GRIK4: variants seen among roughly 807,000 people sequenced by gnomAD.
The protein encoded by GRIK4 is glutamate ionotropic receptor kainate type subunit 4.
Under a neutral mutation model 104.9 loss-of-function variants are expected in GRIK4, and 40 were observed. The ratio of observed to expected loss-of-function variants is 0.38; its 90% CI spans 0.30 to 0.50. The LOEUF is 0.50. GRIK4 is among the 20% of genes least tolerant of loss of function. The pLI, the probability that GRIK4 is intolerant of heterozygous loss-of-function variation, is 0.93. For missense variants in GRIK4, 1,047 were observed against 1,308.1 expected (o/e 0.80, Z 3.08); for synonymous variants, 485 against 524.9 (o/e 0.92, Z 1.04).
At chr11:120,514,509 C>T (rs1295819912) in intron 1 of GRIK4, among the ~76,000 whole-genome samples, 4 of 152,184 alleles carry the variant, frequency 2.6e-5, no homozygotes, top group African/African-American at 7.2e-5. Context: ...GTTTGGTTCT[C>T]AGAAAGCCCA....
At chr11:120,817,167 C>G (rs1952983628) in intron 5 of GRIK4, among the ~76,000 whole-genome samples, 1 of 152,076 alleles carries the variant, frequency 6.6e-6, no homozygotes, top group Non-Finnish European at 1.5e-5. Context: ...ACCACACAGT[C>G]TTTGCTGTGC....
chr11:120,776,975 G>A (rs985144063), intron 3 of GRIK4, among the ~76,000 whole-genome samples: 4 of 152,150 alleles, frequency 2.6e-5, no homozygotes, highest in African/African-American at 9.7e-5. Flanking sequence ...ATTGTGTTCA[G>A]GGAGCTACGA....
intron 3 of GRIK4, among the ~76,000 whole-genome samples, chr11:120,793,005 G>T (rs1026895948): frequency 2.6e-5 from 4 of 152,176 alleles, no homozygotes; most frequent in Non-Finnish European, 5.9e-5. Context: ...CCCTAGGAGA[G>T]TAGTTTCATG....
intron 1 of GRIK4, among the ~76,000 whole-genome samples, chr11:120,518,053 C>T (rs1375369819): frequency 6.6e-6 from 1 of 152,172 alleles, no homozygotes; most frequent in African/African-American, 2.4e-5. Context: ...TCCCTGTTCT[C>T]CAGCCTGGGG....
At position 120,555,258 on chromosome 11, in the gene GRIK4, C is replaced by A. The variant is rs1472941257; in HGVS notation, c.-159+43371C>A. ...CTGGCTGTCCAAAAGCAAAACCCAG[C>A]AAGTGGCTTCCTGTTTATGCATTAG... On this transcript the variant is annotated intron_variant, in intron 1 of 20. Coordinates refer to ENST00000527524, the MANE Select transcript of GRIK4 (RefSeq NM_014619.5). This position sits in a 1 kb window ranked among gnomAD's most constrained non-coding sequence, Gnocchi z 5.3. Among the ~76,000 whole-genome samples, 2 of 152,206 alleles carry A rather than the reference C, an allele frequency of 1.3e-5. No individual in the cohort carries two copies. Among genetic ancestry groups the A allele is most frequent in the African/African-American group, 4.8e-5 (2 of 41,460 alleles).
At chr11:120,768,905 A>G (rs889263876) in intron 3 of GRIK4, among the ~76,000 whole-genome samples, 3 of 152,198 alleles carry the variant, frequency 2.0e-5, no homozygotes, top group African/African-American at 4.8e-5. Context: ...TGGTCATGAT[A>G]TATAATCTGA....
In GRIK4 at chr11:120,905,274, C is replaced by T; in HGVS notation, c.1273-16C>T. 3 of 1,580,580 alleles carry T rather than the reference C, an allele frequency of 1.9e-6. No homozygotes were observed. The highest frequency in any genetic ancestry group is 2.6e-6 in the Non-Finnish European group (3 of 1,149,866). Reference sequence around the variant, plus strand: ...AGGGCTAAGATGAGAATGACAGCTGCCCAGTTTTGCTGCAGGAGAACCCAT... The same window carrying T: ...AGGGCTAAGATGAGAATGACAGCTGTCCAGTTTTGCTGCAGGAGAACCCAT... On this transcript the variant is annotated splice_polypyrimidine_tract_variant and intron_variant, in intron 12 of 20. Coordinates refer to ENST00000527524, the MANE Select transcript of GRIK4 (RefSeq NM_014619.5). This position sits in a 1 kb window ranked among gnomAD's most constrained non-coding sequence, Gnocchi z 5.1.
intron 6 of GRIK4, among the ~76,000 whole-genome samples, chr11:120,831,122 A>T (rs1311522217): frequency 6.6e-6 from 1 of 152,050 alleles, no homozygotes; most frequent in Non-Finnish European, 1.5e-5. Context: ...TGCCTGCTGG[A>T]GTGCAGTTCA....
chr11:120,835,357 A>G (rs887227830), intron 7 of GRIK4, among the ~76,000 whole-genome samples: 2 of 152,168 alleles, frequency 1.3e-5, no homozygotes, highest in Non-Finnish European at 2.9e-5. Context: ...GCGAAATCCC[A>G]TCTCTACTAA....
chr11:120,892,258 G>A (rs1326479220), intron 11 of GRIK4, among the ~76,000 whole-genome samples: 1 of 152,188 alleles, frequency 6.6e-6, no homozygotes, highest in African/African-American at 2.4e-5. Flanking sequence ...GATGGAGAGT[G>A]GGCAAAGGAC....
intron 19 of GRIK4, among the ~76,000 whole-genome samples, chr11:120,974,643 G>A (rs1944531663): frequency 6.6e-6 from 1 of 152,204 alleles, no homozygotes; most frequent in Non-Finnish European, 1.5e-5. Context: ...TAACGATGTG[G>A]TGATGCCACC....
chr11:120,770,672 G>C lies in GRIK4; in HGVS notation c.83-32021G>C, dbSNP rs192838875. ...GGGAAGTGCCATGGTCTCAATGTTT[G>C]TGTCTGCCCCGCCCCTGCCAAACTC... is the stretch of plus-strand genomic sequence containing the variant. On this transcript the variant is annotated intron_variant, in intron 3 of 20. Transcript: ENST00000527524. Among the ~76,000 whole-genome samples, 28 of 152,304 alleles carry C rather than the reference G, an allele frequency of 1.8e-4. No homozygotes were observed. The East Asian group carries it at 5.0e-3, about 27-fold the overall frequency.
intron 3 of GRIK4, among the ~76,000 whole-genome samples, chr11:120,685,434 G>A (rs73584541): frequency 0.03 from 4,552 of 152,240 alleles, 121 homozygotes; most frequent in African/African-American, 0.07. Context: ...GGGTCCGCCC[G>A]TACCCCTCAC....
intron 3 of GRIK4, among the ~76,000 whole-genome samples, chr11:120,693,060 G>A (rs932197429): frequency 6.6e-6 from 1 of 151,674 alleles, no homozygotes; most frequent in Non-Finnish European, 1.5e-5. Context: ...GGGGTTTTAC[G>A]TAAAGAGGCT....
At chr11:120,528,403 G>A (rs1947884841) in intron 1 of GRIK4, among the ~76,000 whole-genome samples, 1 of 152,194 alleles carries the variant, frequency 6.6e-6, no homozygotes, top group South Asian at 2.1e-4. Flanking sequence ...GAGCCACCAA[G>A]CCCGACCCTA....
chr11:120,832,723 A>G (rs7945604), intron 7 of GRIK4, among the ~76,000 whole-genome samples: 48,036 of 152,020 alleles, frequency 0.32, 8,671 homozygotes, highest in East Asian at 0.49. Context: ...GAGTCAGAAC[A>G]TGCACACTGG....
Position 120,555,102 on chromosome 11 carries a change from A to G in GRIK4, c.-159+43215A>G, listed in dbSNP as rs780132200. Among the ~76,000 whole-genome samples, 17 of 152,256 alleles carry G rather than the reference A, an allele frequency of 1.1e-4. No individual in the cohort carries two copies. Among genetic ancestry groups the G allele is most frequent in the Non-Finnish European group, 2.2e-4 (15 of 68,044 alleles). ...AAGGCGCTCTGCAGCCCGAGACCAC[A>G]GGCTGCTGCCCAGATGTCCTCCAGG... On this transcript the variant is annotated intron_variant, in intron 1 of 20. Transcript: ENST00000527524. This position sits in a 1 kb window ranked among gnomAD's most constrained non-coding sequence, Gnocchi z 5.3.
intron 3 of GRIK4, among the ~76,000 whole-genome samples, chr11:120,788,488 A>T (rs1196210203): frequency 6.6e-6 from 1 of 152,102 alleles, no homozygotes; most frequent in Non-Finnish European, 1.5e-5. Flanking sequence ...TGGCCTCCTG[A>T]GTTCAGGGAG....
intron 13 of GRIK4, among the ~76,000 whole-genome samples, chr11:120,935,679 TATC>T (rs1316620977): frequency 6.6e-6 from 1 of 152,218 alleles, no homozygotes; most frequent in Non-Finnish European, 1.5e-5. Context: ...GAACGACAGT[TATC>T]ATGTGTAAGC....
Sources: allele counts gnomAD v4.1 joint callset (sites outside exome capture counted in the v4.1 genomes callset), GRCh38; gene constraint gnomAD v4.1.1; non-coding constraint Gnocchi (gnomAD v3.1); transcripts MANE v1.5; gene names NCBI Gene and HGNC (gene_info 2026-07-23, HGNC 2026-07-21).